NEBL: variants seen among roughly 807,000 people sequenced by gnomAD.
NEBL encodes LIM and SH3 protein 2.
A neutral mutation model predicts 140.2 loss-of-function variants in NEBL; 122 were observed. That is an observed-to-expected ratio of 0.87 (90% confidence interval 0.75 to 1.01). NEBL has a LOEUF of 1.01. NEBL is among the 50% of genes least tolerant of loss of function. The pLI is 0.00. For missense variants in NEBL, 1,365 were observed against 1,231.3 expected (o/e 1.11, Z -1.62); for synonymous variants, 436 against 398.9 (o/e 1.09, Z -1.11).
chr10:21,284,412 C>T (rs771231567), intron 1 of NEBL, among the ~76,000 whole-genome samples: 9 of 151,406 alleles, frequency 5.9e-5, no homozygotes, highest in Non-Finnish European at 1.2e-4. Context: ...CCCAAGTCAG[C>T]CCAAGTTCCA....
At chr10:20,944,931 G>A (rs1192937508) in intron 4 of NEBL, among the ~76,000 whole-genome samples, 1 of 152,110 alleles carries the variant, frequency 6.6e-6, no homozygotes, top group Non-Finnish European at 1.5e-5. Context: ...GACAATTAGA[G>A]TGAAATCCAA....
intron 3 of NEBL, among the ~76,000 whole-genome samples, chr10:21,235,731 T>C (rs989828320): frequency 6.6e-6 from 1 of 152,230 alleles, no homozygotes; most frequent in Non-Finnish European, 1.5e-5. Flanking sequence ...AAATAAAAAC[T>C]TGATAACATT....
chr10:21,011,780 T>C (rs1417482638), intron 3 of NEBL, among the ~76,000 whole-genome samples: 4 of 152,216 alleles, frequency 2.6e-5, no homozygotes, highest in Non-Finnish European at 5.9e-5. Flanking sequence ...ATGCTTCTCG[T>C]TGAGGTCTAA....
intron 12 of NEBL, among the ~76,000 whole-genome samples, chr10:20,842,350 T>C (rs934194583): frequency 2.6e-5 from 4 of 151,966 alleles, no homozygotes; most frequent in East Asian, 1.9e-4. Flanking sequence ...GAAATGAAAA[T>C]AAAAATACTT....
chr10:21,021,428 G>A (rs957818769), intron 2 of NEBL, among the ~76,000 whole-genome samples: 1 of 152,180 alleles, frequency 6.6e-6, no homozygotes, highest in Non-Finnish European at 1.5e-5. Context: ...CCCATGGCCA[G>A]GCCTCTGCAG....
rs542367697 is a variant in NEBL at position 20,817,748 on chromosome 10, C to A, written c.2056-56G>T. The stretch of plus-strand genomic sequence containing the variant: ...TAGCACAATGGGCTCCACTGAAATA[C>A]CACAAAGGACAAGGCTCAAAATTAG... On this transcript the variant is annotated intron_variant, in intron 20 of 27. Transcript: ENST00000377122. 6.7e-6 allele frequency: 9 copies of A among 1,353,070 alleles called. No homozygotes were observed. The African/African-American group carries it at 1.3e-4, about 19-fold the overall frequency. 83.8% of individuals were successfully genotyped at this position (1,353,070 alleles called of 1,614,324 possible).
chr10:21,265,431 C>A (rs1842787316), intron 1 of NEBL, among the ~76,000 whole-genome samples: 1 of 152,182 alleles, frequency 6.6e-6, no homozygotes, highest in Admixed American at 6.5e-5. Context: ...CTACTAATCT[C>A]ACTGCGTATG....
intron 26 of NEBL, among the ~76,000 whole-genome samples, chr10:20,797,752 G>T (rs1836695975): frequency 6.6e-6 from 1 of 152,118 alleles, no homozygotes; most frequent in Non-Finnish European, 1.5e-5. Context: ...AGACAGAACA[G>T]TAGACAAGTT....
chr10:20,792,212 GT>G (rs1242495117), intron 26 of NEBL, among the ~76,000 whole-genome samples: 5 of 151,860 alleles, frequency 3.3e-5, no homozygotes, highest in Non-Finnish European at 7.4e-5. Flanking sequence ...AATAATTTGG[GT>G]TTTTTCCTAT....
At chr10:20,914,546 C>T (rs1385144896) in intron 4 of NEBL, among the ~76,000 whole-genome samples, 2 of 152,180 alleles carry the variant, frequency 1.3e-5, no homozygotes, top group Non-Finnish European at 2.9e-5. Flanking sequence ...TTGTTCAATG[C>T]TTTCCTTGGT....
At chr10:21,268,524 ATTT>A (rs202006533) in intron 1 of NEBL, among the ~76,000 whole-genome samples, 153 of 145,698 alleles carry the variant, frequency 1.1e-3, no homozygotes, top group African/African-American at 2.4e-3. Flanking sequence ...TTTTAATTTA[ATTT>A]TTTTTTTTTT....
intron 26 of NEBL, among the ~76,000 whole-genome samples, chr10:20,790,623 C>CA (rs1432678968): frequency 2.0e-5 from 3 of 147,074 alleles, no homozygotes; most frequent in Admixed American, 6.7e-5. Flanking sequence ...ACAAAACAAA[C>CA]AAACAAAAAA....
At chr10:21,107,740 ATGGTACCAGCT>A (rs1455055107) in intron 2 of NEBL, among the ~76,000 whole-genome samples, 6 of 152,160 alleles carry the variant, frequency 3.9e-5, no homozygotes, top group African/African-American at 1.4e-4. Flanking sequence ...TTTGGAAGGA[ATGGTACCAGCT>A]CCTCTTTGTA....
upstream of NEBL, among the ~76,000 whole-genome samples, chr10:21,177,516 T>C (rs1841321477): frequency 2.6e-5 from 4 of 152,084 alleles, no homozygotes; most frequent in South Asian, 6.2e-4. Context: ...AAAGATTCAG[T>C]ATACAGTCTT....
intron 2 of NEBL, among the ~76,000 whole-genome samples, chr10:21,123,861 A>G (rs1269620422): frequency 6.6e-6 from 1 of 151,238 alleles, no homozygotes. Flanking sequence ...TCTAACATTG[A>G]AGTTTGCTTA....
At chr10:20,944,317 G>A (rs60657589) in intron 4 of NEBL, among the ~76,000 whole-genome samples, 23 of 152,172 alleles carry the variant, frequency 1.5e-4, no homozygotes, top group African/African-American at 5.3e-4. Flanking sequence ...GGAGAATCAC[G>A]TGAACCTGGG....
At chr10:20,998,277 C>A (rs1837752018) in intron 3 of NEBL, among the ~76,000 whole-genome samples, 1 of 152,174 alleles carries the variant, frequency 6.6e-6, no homozygotes, top group African/African-American at 2.4e-5. Flanking sequence ...GTTTACATGA[C>A]TTCTCTGAGC....
chr10:20,976,820 C>T (rs561646398), intron 3 of NEBL, among the ~76,000 whole-genome samples: 11 of 151,718 alleles, frequency 7.3e-5, no homozygotes, highest in Admixed American at 5.3e-4. Context: ...CTGTGAGATG[C>T]TATGCTCACT....
intron 7 of NEBL, among the ~76,000 whole-genome samples, chr10:20,860,407 A>ACT (rs1234687269): frequency 6.6e-6 from 1 of 151,660 alleles, no homozygotes; most frequent in Admixed American, 6.6e-5. Flanking sequence ...CATCTCCAAT[A>ACT]CTCTCTCTAA....
Sources: gnomAD v4.1 joint callset for allele counts (sites outside exome capture counted in the v4.1 genomes callset) on GRCh38, gnomAD v4.1.1 for gene constraint, MANE v1.5 for transcripts, NCBI Gene and HGNC (gene_info 2026-07-23, HGNC 2026-07-21) for gene names.